EPHA5: variants seen among roughly 807,000 people sequenced by gnomAD.
EPHA5 encodes the protein ephrin type-A receptor 5.
EPHA5 carries 60 observed loss-of-function variants against 105.0 expected under a neutral mutation model. The ratio of observed to expected loss-of-function variants is 0.57; its 90% CI spans 0.46 to 0.71. The LOEUF is 0.71. Among genes scored for constraint, EPHA5 ranks in the 30% least tolerant of loss-of-function variants. EPHA5 has a pLI of 0.00. For missense variants in EPHA5, 1,218 were observed against 1,274.7 expected (o/e 0.96, Z 0.68); for synonymous variants, 513 against 449.1 (o/e 1.14, Z -1.80).
chr4:65,631,969 C>A (rs564379183), intron 2 of EPHA5, among the ~76,000 whole-genome samples: 71 of 150,628 alleles, frequency 4.7e-4, no homozygotes, highest in Admixed American at 1.9e-3. Flanking sequence ...AAACAGAAAC[C>A]AAGAACAAGA....
intron 2 of EPHA5, among the ~76,000 whole-genome samples, chr4:65,642,542 G>GA (rs1354993122): frequency 6.6e-6 from 1 of 151,582 alleles, no homozygotes; most frequent in African/African-American, 2.4e-5. Flanking sequence ...CAACTAAAAA[G>GA]AAATACCAAA....
intron 8 of EPHA5, among the ~76,000 whole-genome samples, chr4:65,386,384 G>T (rs1720089856): frequency 6.6e-6 from 1 of 151,862 alleles, no homozygotes; most frequent in Non-Finnish European, 1.5e-5. Flanking sequence ...GTACCATTGA[G>T]GGGAATGCTA....
At chr4:65,476,131 T>TGC (rs1210076070) in intron 5 of EPHA5, among the ~76,000 whole-genome samples, 2 of 127,042 alleles carry the variant, frequency 1.6e-5, no homozygotes, top group Admixed American at 7.4e-5. Context: ...AGAGAGAGTG[T>TGC]GTGTGTGTGT....
At chr4:65,663,496 C>A (rs1749714637) in intron 1 of EPHA5, among the ~76,000 whole-genome samples, 1 of 152,012 alleles carries the variant, frequency 6.6e-6, no homozygotes, top group Admixed American at 6.6e-5. Context: ...ACAAGACCTT[C>A]AATTACTACA....
At chr4:65,478,237 G>A (rs1316711970) in intron 5 of EPHA5, among the ~76,000 whole-genome samples, 1 of 152,124 alleles carries the variant, frequency 6.6e-6, no homozygotes, top group African/African-American at 2.4e-5. Flanking sequence ...GGTCACAGAA[G>A]CATCAGTGTG....
intron 3 of EPHA5, among the ~76,000 whole-genome samples, chr4:65,539,329 G>A (rs1031979277): frequency 6.6e-6 from 1 of 150,400 alleles, no homozygotes; most frequent in Non-Finnish European, 1.5e-5. Flanking sequence ...CAAGACAAAG[G>A]AGGAGGAAGA....
At chr4:65,546,151 C>A (rs879820267) in intron 3 of EPHA5, among the ~76,000 whole-genome samples, 1 of 151,942 alleles carries the variant, frequency 6.6e-6, no homozygotes, top group Non-Finnish European at 1.5e-5. Flanking sequence ...TTTTAACTTA[C>A]TGCATTTTAA....
At chr4:65,493,714 T>C (rs1244848856) in intron 4 of EPHA5, among the ~76,000 whole-genome samples, 2 of 152,140 alleles carry the variant, frequency 1.3e-5, no homozygotes, top group African/African-American at 4.8e-5. Context: ...CTGTGGGCTT[T>C]GGTCCTAAAA....
intron 5 of EPHA5, among the ~76,000 whole-genome samples, chr4:65,430,860 C>T (rs938094145): frequency 1.3e-5 from 2 of 151,986 alleles, no homozygotes; most frequent in Non-Finnish European, 2.9e-5. Context: ...TTAATTTTTG[C>T]TCAGTTTCCT....
At chr4:65,592,279 G>A (rs376026163) in intron 3 of EPHA5, among the ~76,000 whole-genome samples, 74 of 152,138 alleles carry the variant, frequency 4.9e-4, no homozygotes, top group African/African-American at 1.7e-3. Context: ...TCCACACAGG[G>A]CAGAAACAAA....
chr4:65,665,880 T>A (rs1749924948), intron 1 of EPHA5, among the ~76,000 whole-genome samples: 1 of 152,124 alleles, frequency 6.6e-6, no homozygotes, highest in African/African-American at 2.4e-5. Flanking sequence ...CAAATAGGGG[T>A]AATAGCTCTC....
In EPHA5 at chr4:65,404,401, A is replaced by T. The variant is rs2148990721; in HGVS notation, c.1766T>A (p.Val589Glu). ...SVTVGVILLA[V>E]VIGVLLSGRR... Reference sequence around the variant, plus strand: ...TCCACTGAGGAGGACGCCGATAACCACTGCCAACAAAATGACTCCCACTGT... The same window carrying T: ...TCCACTGAGGAGGACGCCGATAACCTCTGCCAACAAAATGACTCCCACTGT... The change falls in exon 8 of 17, where the codon GTG (valine) becomes GAG (glutamate). Residue 589 changes from valine to glutamate, a missense_variant. Val to Glu is a moderately radical substitution (Grantham distance 121, BLOSUM62 -2). This residue lies in a region of EPHA5 where 971 missense variants were observed against 1,013.5 expected (regional missense o/e 0.96). Transcript: ENST00000613740. 2 of 1,613,734 alleles carry T rather than the reference A, an allele frequency of 1.2e-6. No individual in the cohort carries two copies. The highest frequency in any genetic ancestry group is 1.7e-6 in the Non-Finnish European group (2 of 1,179,760).
intron 3 of EPHA5, among the ~76,000 whole-genome samples, chr4:65,565,113 G>GGTTCCTT (rs1176247273): frequency 6.6e-6 from 1 of 151,614 alleles, no homozygotes; most frequent in African/African-American, 2.4e-5. Context: ...GCAATGTAAG[G>GGTTCCTT]ACACCTCAGA....
intron 2 of EPHA5, among the ~76,000 whole-genome samples, chr4:65,641,557 T>C (rs1747668835): frequency 6.6e-6 from 1 of 152,196 alleles, no homozygotes; most frequent in Admixed American, 6.5e-5. Context: ...TTTACTATCA[T>C]TGTATATACC....
chr4:65,439,897 T>G (rs1001490042), intron 5 of EPHA5, among the ~76,000 whole-genome samples: 2 of 152,112 alleles, frequency 1.3e-5, no homozygotes, highest in Non-Finnish European at 2.9e-5. Flanking sequence ...AAAAAAAAAT[T>G]TGTTTGCATT....
chr4:65,644,027 A>T (rs1190189252), intron 1 of EPHA5, among the ~76,000 whole-genome samples: 1 of 152,046 alleles, frequency 6.6e-6, no homozygotes, highest in East Asian at 1.9e-4. Flanking sequence ...TAGTTGATAT[A>T]CTTAAGAATC....
At chr4:65,470,543 G>T (rs910672669) in intron 5 of EPHA5, among the ~76,000 whole-genome samples, 1 of 152,086 alleles carries the variant, frequency 6.6e-6, no homozygotes, top group African/African-American at 2.4e-5. Context: ...CTGCTGTCTT[G>T]TAATAACCAT....
chr4:65,404,258 CTGCTGATATAT>C (rs1722136532), intron 8 of EPHA5, 105 bp downstream of exon 8: 3 of 704,878 alleles, frequency 4.3e-6, no homozygotes, highest in Non-Finnish European at 7.4e-6. Flanking sequence ...TTGAGATTAT[CTGCTGATATAT>C]TGCTTGCCTG....
At chr4:65,488,833 C>T (rs912163077) in intron 5 of EPHA5, among the ~76,000 whole-genome samples, 4 of 151,364 alleles carry the variant, frequency 2.6e-5, no homozygotes, top group African/African-American at 4.9e-5. Flanking sequence ...TGAATGTTTC[C>T]GTCAGCTTTA....
Sources: gnomAD v4.1 joint callset for allele counts (sites outside exome capture counted in the v4.1 genomes callset) on GRCh38, gnomAD v4.1.1 for gene constraint, gnomAD v4.1.1 regional missense constraint, MANE v1.5 for transcripts, NCBI Gene and HGNC (gene_info 2026-07-23, HGNC 2026-07-21) for gene names.